TTLL5: variants seen among roughly 807,000 people sequenced by gnomAD.
TTLL5 encodes tubulin polyglutamylase TTLL5.
Under a neutral mutation model 168.4 loss-of-function variants are expected in TTLL5, and 132 were observed. The observed-to-expected ratio is 0.78, with a 90% CI of 0.68 to 0.91. TTLL5 has a LOEUF of 0.91. Among genes scored for constraint, TTLL5 ranks in the 40% least tolerant of loss-of-function variants. The pLI is 0.00. For missense variants in TTLL5, 1,545 were observed against 1,581.5 expected, an observed-to-expected ratio of 0.98 and a Z score of 0.39; for synonymous variants, 546 against 558.6, an observed-to-expected ratio of 0.98 and a Z score of 0.32.
intron 29 of TTLL5, among the ~76,000 whole-genome samples, chr14:75,865,039 GT>G (rs2030391696): frequency 6.6e-6 from 1 of 152,140 alleles, no homozygotes; most frequent in South Asian, 2.1e-4. Context: ...TTGAGAAATT[GT>G]AAGTGCCGGC....
chr14:75,853,248 T>C (rs763176029), intron 28 of TTLL5, among the ~76,000 whole-genome samples: 5 of 152,244 alleles, frequency 3.3e-5, no homozygotes, highest in African/African-American at 4.8e-5. Flanking sequence ...GCCAGTTTAC[T>C]GGGTCATTCG....
At chr14:75,861,111 TA>T (rs1247902337) in intron 28 of TTLL5, among the ~76,000 whole-genome samples, 1 of 152,082 alleles carries the variant, frequency 6.6e-6, no homozygotes, top group East Asian at 1.9e-4. Flanking sequence ...TCAGAAAACT[TA>T]ATAGATAAGC....
chr14:75,782,576 G>A lies in TTLL5; in HGVS notation c.2602+3G>A. ...AATTCATTCTGATAAATTATCTCGT[G>A]AGTGATTTCAAACCTACCTAGATTT... On this transcript the variant is annotated splice_donor_region_variant and intron_variant, in intron 25 of 31. Coordinates refer to ENST00000298832, the MANE Select transcript of TTLL5 (RefSeq NM_015072.5). 6.2e-7 allele frequency: 1 copy of A among 1,612,484 alleles called. No individual in the cohort carries two copies. The highest frequency in any genetic ancestry group is 1.3e-5 in the African/African-American group (1 of 74,968).
chr14:75,901,711 C>G (rs1459388631), intron 30 of TTLL5, among the ~76,000 whole-genome samples: 1 of 152,296 alleles, frequency 6.6e-6, no homozygotes, highest in East Asian at 1.9e-4. Flanking sequence ...CCCCACTTCC[C>G]CAGTTGAAAA....
chr14:75,735,137 C>T lies in TTLL5; in HGVS notation c.1187-58C>T. On this transcript the variant is annotated intron_variant, in intron 14 of 31. Coordinates refer to ENST00000298832, the MANE Select transcript of TTLL5 (RefSeq NM_015072.5). ...TGTGTATCTAAAGAAAAGGTGCAGC[C>T]AGACCTGCTAATTTCTTAGAAAATG... is the stretch of plus-strand genomic sequence containing the variant. The T allele has an allele frequency of 8.7e-6, 13 of 1,498,514 alleles. No homozygotes were observed. The South Asian group carries it at 1.5e-4, about 17-fold the overall frequency. The allele number at this position is 1,498,514 out of a possible 1,614,324, so 92.8% of individuals were successfully genotyped here.
At chr14:75,851,544 A>G (rs1193657014) in intron 28 of TTLL5, among the ~76,000 whole-genome samples, 5 of 152,262 alleles carry the variant, frequency 3.3e-5, no homozygotes, top group African/African-American at 9.6e-5. Context: ...AATCAGCATT[A>G]TTAGTAAACC....
At chr14:75,782,888 T>C (rs1366569919) in intron 25 of TTLL5, among the ~76,000 whole-genome samples, 1 of 152,192 alleles carries the variant, frequency 6.6e-6, no homozygotes, top group Non-Finnish European at 1.5e-5. Context: ...AAGACATGCC[T>C]GCTCTGTTTC....
At chr14:75,949,376 G>A (rs1266429087) in intron 31 of TTLL5, among the ~76,000 whole-genome samples, 1 of 118,142 alleles carries the variant, frequency 8.5e-6, no homozygotes, top group Non-Finnish European at 1.8e-5. Flanking sequence ...TTTATATAAG[G>A]TTATATATAT....
chr14:75,793,654 T>C (rs1313073589), intron 27 of TTLL5, among the ~76,000 whole-genome samples: 1 of 152,186 alleles, frequency 6.6e-6, no homozygotes, highest in African/African-American at 2.4e-5. Flanking sequence ...TTCAACAAGC[T>C]GGGTGGATAG....
intron 27 of TTLL5, among the ~76,000 whole-genome samples, chr14:75,811,156 A>AGAGAGTGTGTGTGTGTGTGT (rs60194482): frequency 2.6e-5 from 3 of 116,532 alleles, no homozygotes; most frequent in African/African-American, 1.0e-4. Flanking sequence ...TGAAAGAAAG[A>AGAGAGTGTGTGTGTGTGTGT]GTGTGTGTGT....
intron 31 of TTLL5, among the ~76,000 whole-genome samples, chr14:75,940,287 GC>G (rs2034561336): frequency 6.6e-6 from 1 of 151,720 alleles, no homozygotes; most frequent in Admixed American, 6.6e-5. Flanking sequence ...CACCATGTTA[GC>G]CAGGATGGTC....
chr14:75,905,567 G>T (rs1417412642), intron 31 of TTLL5, among the ~76,000 whole-genome samples: 1 of 152,180 alleles, frequency 6.6e-6, no homozygotes, highest in Non-Finnish European at 1.5e-5. Context: ...TTAGTAGTTT[G>T]CTGTGGAAGG....
intron 3 of TTLL5, among the ~76,000 whole-genome samples, chr14:75,679,219 G>GC (rs1377387948): frequency 6.6e-6 from 1 of 152,182 alleles, no homozygotes; most frequent in Non-Finnish European, 1.5e-5. Flanking sequence ...ATCCAAGTGG[G>GC]CCCAATGTAA....
At chr14:75,716,158 T>A (rs1457988105) in intron 9 of TTLL5, among the ~76,000 whole-genome samples, 3 of 152,118 alleles carry the variant, frequency 2.0e-5, no homozygotes, top group Admixed American at 2.0e-4. Flanking sequence ...AGAGGAAGAT[T>A]GGGATGCATA....
intron 29 of TTLL5, among the ~76,000 whole-genome samples, chr14:75,881,714 A>C (rs1174379398): frequency 6.6e-6 from 1 of 152,126 alleles, no homozygotes. Flanking sequence ...AAAAAATACT[A>C]TGTATTTTGT....
chr14:75,722,728 G>A (rs757455414), intron 12 of TTLL5, among the ~76,000 whole-genome samples: 1 of 151,980 alleles, frequency 6.6e-6, no homozygotes, highest in Non-Finnish European at 1.5e-5. Context: ...TTAGCTCACT[G>A]CAGCCTTGAA....
At chr14:75,930,644 G>A in intron 31 of TTLL5, 1 of 985,374 alleles carries the variant, frequency 1.0e-6, no homozygotes, top group Non-Finnish European at 1.2e-6. Flanking sequence ...GGTCAAGTGG[G>A]AGATAAGTGA....
At chr14:75,918,484 C>T (rs2033698186) in intron 31 of TTLL5, among the ~76,000 whole-genome samples, 1 of 152,096 alleles carries the variant, frequency 6.6e-6, no homozygotes, top group African/African-American at 2.4e-5. Context: ...CAAATTTGCC[C>T]CAGTCCTGTC....
At chr14:75,699,753 TTCGTCTCA>T (rs1886129345) in intron 7 of TTLL5, among the ~76,000 whole-genome samples, 1 of 152,172 alleles carries the variant, frequency 6.6e-6, no homozygotes, top group African/African-American at 2.4e-5. Context: ...TCTGCCCTTC[TTCGTCTCA>T]TTTCTCCTCT....
Sources: gnomAD v4.1 joint callset for allele counts (sites outside exome capture counted in the v4.1 genomes callset) on GRCh38, gnomAD v4.1.1 for gene constraint, MANE v1.5 for transcripts, NCBI Gene and HGNC (gene_info 2026-07-23, HGNC 2026-07-21) for gene names.